DTX2: variants seen among roughly 807,000 people sequenced by gnomAD.
DTX2 encodes the protein deltex E3 ubiquitin ligase 2, also known as probable E3 ubiquitin-protein ligase DTX2.
DTX2 carries 29 observed loss-of-function variants against 55.3 expected under a neutral mutation model. The ratio of observed to expected loss-of-function variants is 0.52; its 90% CI spans 0.39 to 0.71. The LOEUF (loss-of-function observed/expected upper bound fraction) is 0.71. Among genes scored for constraint, DTX2 ranks in the 30% least tolerant of loss-of-function variants. DTX2 has a pLI of 0.00. For synonymous variants in DTX2, 276 were observed against 340.4 expected (o/e 0.81, Z 2.08); for missense variants, 537 against 822.5 (o/e 0.65, Z 4.25).
intron 2 of DTX2, among the ~76,000 whole-genome samples, chr7:76,479,439 C>T (rs372453520): frequency 4.3e-5 from 5 of 115,626 alleles, no homozygotes; most frequent in East Asian, 2.6e-4. Context: ...AGAACCTGTG[C>T]TGCAGTTCCC....
chr7:76,470,987 G>C, intron 2 of DTX2: 1 of 641,716 alleles, frequency 1.6e-6, no homozygotes, highest in South Asian at 1.7e-5. Context: ...GGTGATACTT[G>C]CCTCCAATGG....
chr7:76,471,930 A>T (rs1584135462), intron 2 of DTX2: 1 of 149,662 alleles, frequency 6.7e-6, no homozygotes, highest in African/African-American at 2.5e-5. Context: ...TTCTGCTCTG[A>T]CCTATCCCTG....
chr7:76,502,178 C>T (rs1331503206), intron 7 of DTX2, 120 bp from the exon 8 acceptor site: 7 of 978,332 alleles, frequency 7.2e-6, no homozygotes, highest in African/African-American at 6.5e-5. Context: ...CGCCTGGCCT[C>T]GGAATTGACT....
At chr7:76,480,169 G>C (rs1320152598) in intron 2 of DTX2, among the ~76,000 whole-genome samples, 1 of 142,156 alleles carries the variant, frequency 7.0e-6, no homozygotes. Flanking sequence ...GCTGGGTGTG[G>C]TGGTGAATGC....
In DTX2 at chr7:76,505,218, T is replaced by C. The variant is rs1021224334; in HGVS notation, c.1642-156T>C. 6.6e-6 allele frequency among the ~76,000 whole-genome samples: 1 copy of C among 151,922 alleles called. No individual in the cohort carries two copies. The highest frequency in any genetic ancestry group is 1.5e-5 in the Non-Finnish European group (1 of 67,934). ...CTAATGTACTATCCAGTGGGCAGTT[T>C]TGGGGTCCCTGCAGATGGGGTGAGT... On this transcript the variant is annotated intron_variant, in intron 10 of 10. Transcript: ENST00000430490. The surrounding 1 kb of genome is among the most constrained non-coding windows in gnomAD (Gnocchi z 4.4).
chr7:76,503,992 A>G (rs1294920888), intron 9 of DTX2, among the ~76,000 whole-genome samples: 1 of 148,664 alleles, frequency 6.7e-6, no homozygotes, highest in Non-Finnish European at 1.5e-5. Context: ...TGTGGGTGTC[A>G]GGAGCCCAGG....
intron 2 of DTX2, among the ~76,000 whole-genome samples, chr7:76,473,952 A>T (rs1584143337): frequency 2.1e-5 from 2 of 95,654 alleles, no homozygotes. Flanking sequence ...ACTGAGTTTC[A>T]CTCTTATTGC....
chr7:76,483,027 C>T lies in DTX2; in HGVS notation c.788C>T (p.Thr263Ile), dbSNP rs1171125358. 26 of 1,613,454 alleles carry T rather than the reference C, an allele frequency of 1.6e-5. No individual in the cohort carries two copies. Among genetic ancestry groups the T allele is most frequent in the Non-Finnish European group, 2.2e-5 (26 of 1,179,686 alleles). Reference sequence around the variant, plus strand: ...GCCCGGTCTGCGCCCAGGCTGAACACCACCAACGCCTGGGGCGCAGCTCCT... The same window carrying T: ...GCCCGGTCTGCGCCCAGGCTGAACATCACCAACGCCTGGGGCGCAGCTCCT... ...SGARSAPRLN[T>I]TNAWGAAPPS... Residue 263 changes from threonine (T) to isoleucine (I), a missense_variant, in exon 4 of 11, where the codon ACC becomes ATC. By Grantham distance (89) the Thr-to-Ile change is moderately conservative. Transcript: ENST00000430490.
In DTX2 at chr7:76,505,676, T is replaced by C. The variant is rs1466712521; in HGVS notation, c.*75T>C. The C allele has an allele frequency of 6.9e-7, 1 of 1,454,076 alleles. No homozygotes were observed. The highest frequency in any genetic ancestry group is 9.3e-7 in the Non-Finnish European group (1 of 1,079,300). The allele number at this position is 1,454,076 out of a possible 1,614,324, so 90.1% of individuals were successfully genotyped here. A position where few individuals can be genotyped will look rare whatever the true frequency, so the allele number is the denominator to read the frequency against. On this transcript the variant is annotated 3_prime_UTR_variant, in exon 11 of 11. Coordinates refer to ENST00000430490, the MANE Select transcript of DTX2 (RefSeq NM_001102594.3). The surrounding 1 kb of genome is among the most constrained non-coding windows in gnomAD (Gnocchi z 4.4). ...GCTGGCTGGGTGGCCAGGCAGGAAG[T>C]GCCCAGCCCGAGAGGCTGGGAGGTT...
chr7:76,482,489 T>G lies in DTX2; in HGVS notation c.269-19T>G, dbSNP rs561490883. 54 of 1,560,672 alleles carry G rather than the reference T, an allele frequency of 3.5e-5. No individual in the cohort carries two copies. Among genetic ancestry groups the G allele is most frequent in the African/African-American group, 1.1e-4 (8 of 73,274 alleles). ...TGGGGATGCTAGCAGACTAACCTTT[T>G]GTTTTCCTTTGAAAATAGGCACCAT... On this transcript the variant is annotated intron_variant, in intron 3 of 10. Coordinates refer to ENST00000430490, the MANE Select transcript of DTX2 (RefSeq NM_001102594.3).
At chr7:76,499,784 C>T (rs1214127753) in intron 6 of DTX2, 1 of 236,902 alleles carries the variant, frequency 4.2e-6, no homozygotes, top group East Asian at 1.0e-4. Flanking sequence ...CAGCCCTTCT[C>T]CCTCCAGCTT....
rs1584167843 is a variant in DTX2 at position 76,479,601 on chromosome 7, G to A, written c.-89-820G>A. 2.8e-5 allele frequency among the ~76,000 whole-genome samples: 3 copies of A among 106,540 alleles called. 1 individual carries two copies. In the Middle Eastern group the frequency reaches 0.015, roughly 517 times the overall value. 69.9% of individuals were successfully genotyped at this position (106,540 alleles called of 152,430 possible). On this transcript the variant is annotated intron_variant, in intron 2 of 10. Coordinates refer to ENST00000430490, the MANE Select transcript of DTX2 (RefSeq NM_001102594.3). ...TTGAGACCAGCCTGGCCAACATGGT[G>A]AAACCCCGTCTCTACTAAAAATACA...
At chr7:76,487,914 CTTCAGGGGG>C (rs1171010869) in intron 4 of DTX2, among the ~76,000 whole-genome samples, 1 of 128,360 alleles carries the variant, frequency 7.8e-6, no homozygotes, top group Non-Finnish European at 1.7e-5. Flanking sequence ...GAGAAGGACA[CTTCAGGGGG>C]CAGTTGGTGC....
rs755843135 is a variant in DTX2, at chr7:76,502,286, G to C, written c.1231-12G>C. On this transcript the variant is annotated splice_polypyrimidine_tract_variant and intron_variant, in intron 7 of 10. Coordinates refer to ENST00000430490, the MANE Select transcript of DTX2 (RefSeq NM_001102594.3). Reference sequence around the variant, plus strand: ...CTGTTGGCGAGCATGACCCATGTTTGGTCTCCTCCAGGACTGCATCATCTG... The same window carrying C: ...CTGTTGGCGAGCATGACCCATGTTTCGTCTCCTCCAGGACTGCATCATCTG... 3 of 1,593,186 alleles carry C rather than the reference G, an allele frequency of 1.9e-6. No homozygotes were observed. Among genetic ancestry groups the C allele is most frequent in the Non-Finnish European group, 2.6e-6 (3 of 1,164,612 alleles).
chr7:76,501,184 C>T, intron 7 of DTX2: 1 of 432,874 alleles, frequency 2.3e-6, no homozygotes, highest in Non-Finnish European at 4.6e-6. Flanking sequence ...GTACCAGTAC[C>T]CAGAGATCTT....
In DTX2 at chr7:76,482,841, G is replaced by C; in HGVS notation, c.602G>C (p.Cys201Ser). The change falls in exon 4 of 11, where the codon TGC becomes TCC. Residue 201 changes from cysteine to serine, a missense_variant. Physicochemically the swap from Cys to Ser is moderately radical, Grantham distance 112. Transcript: ENST00000430490. ...GGCGTCGCCTGCTCTTGCCACCAGT[G>C]CCTCAGTGGCAGCAGAACTGGCCCC... Reference protein sequence around the residue: ...HTGVACSCHQCLSGSRTGPVS... With the variant: ...HTGVACSCHQSLSGSRTGPVS... 1.9e-6 allele frequency: 3 copies of C among 1,613,730 alleles called. No individual in the cohort carries two copies. The highest frequency in any genetic ancestry group is 2.5e-6 in the Non-Finnish European group (3 of 1,179,702).
In DTX2 at chr7:76,480,734, C is replaced by T. The variant is rs1428794271; in HGVS notation, c.225C>T (p.Tyr75=). The T allele has an allele frequency of 9.3e-6, 15 of 1,612,470 alleles. No homozygotes were observed. Among genetic ancestry groups the T allele is most frequent in the Non-Finnish European group, 1.2e-5 (14 of 1,179,140 alleles). ...AGGCAGACCCCTCGCTGGCCCCTTA[C>T]ATTATTGACCTCCCCAGCTGGACCC... ...LGQADPSLAP[Y]IIDLPSWTQF... Residue 75 remains tyrosine, a synonymous_variant, in exon 3 of 11, where the codon TAC becomes TAT. Coordinates refer to ENST00000430490, the MANE Select transcript of DTX2 (RefSeq NM_001102594.3).
At chr7:76,478,778 T>C (rs1398952377) in intron 2 of DTX2, 2 of 113,764 alleles carry the variant, frequency 1.8e-5, no homozygotes, top group Admixed American at 9.7e-5. Flanking sequence ...TGGCAGTCTG[T>C]GCAGCTTAGG....
chr7:76,469,537 C>T (rs1191643879), intron 2 of DTX2, among the ~76,000 whole-genome samples: 6 of 150,372 alleles, frequency 4.0e-5, no homozygotes, highest in East Asian at 1.9e-4. Context: ...GGACTACAGG[C>T]GCTCGCCACC....
Sources: gnomAD v4.1 joint callset for allele counts (sites outside exome capture counted in the v4.1 genomes callset) on GRCh38, gnomAD v4.1.1 for gene constraint, Gnocchi (gnomAD v3.1) non-coding constraint, MANE v1.5 for transcripts, NCBI Gene and HGNC (gene_info 2026-07-23, HGNC 2026-07-21) for gene names.